Variants in GFRAL observed in about 807,000 individuals in gnomAD.
GFRAL encodes the protein GDNF family receptor alpha like.
In GFRAL, 36 loss-of-function variants were observed where a neutral mutation model predicts 45.4. The ratio of observed to expected loss-of-function variants is 0.79; its 90% CI spans 0.61 to 1.05. GFRAL has a LOEUF of 1.05. GFRAL is among the 50% of genes least tolerant of loss of function. The pLI is 0.00. For missense variants in GFRAL, 507 were observed against 467.5 expected (o/e 1.08, Z -0.78); for synonymous variants, 166 against 154.1 (o/e 1.08, Z -0.57).
chr6:55,350,329 T>G (rs1768099367), intron 4 of GFRAL, among the ~76,000 whole-genome samples, 184 bp downstream of exon 4: 1 of 152,086 alleles, frequency 6.6e-6, no homozygotes, highest in Non-Finnish European at 1.5e-5. Context: ...AGCAACTACT[T>G]TGCCCATCCA....
intron 6 of GFRAL, among the ~76,000 whole-genome samples, chr6:55,394,779 T>C (rs6938704): frequency 0.19 from 29,090 of 151,948 alleles, 4,582 homozygotes; most frequent in African/African-American, 0.44. Context: ...TCAAATCTGG[T>C]GTATTTTCAC....
rs1768911604 is a variant in GFRAL, at chr6:55,402,338, A to G, written c.*485A>G. On this transcript the variant is annotated 3_prime_UTR_variant, in exon 9 of 9. Transcript: ENST00000340465. Reference sequence around the variant, plus strand: ...TGGTCAACACCCTATTCCATCTGTCATCGAGAAAGAAAATGTTAAAATAGA... The same window carrying G: ...TGGTCAACACCCTATTCCATCTGTCGTCGAGAAAGAAAATGTTAAAATAGA... 1 of 152,202 alleles carries G rather than the reference A, an allele frequency of 6.6e-6. No individual in the cohort carries two copies. The highest frequency in any genetic ancestry group is 2.1e-4 in the South Asian group (1 of 4,826). The allele number at this position is 152,202 out of a possible 1,614,324, so 9.4% of individuals were successfully genotyped here.
intron 6 of GFRAL, among the ~76,000 whole-genome samples, chr6:55,362,243 C>T (rs751319137): frequency 2.0e-5 from 3 of 150,432 alleles, no homozygotes; most frequent in South Asian, 2.1e-4. Context: ...ACTTGGAGCC[C>T]GCTATGTTCT....
intron 3 of GFRAL, among the ~76,000 whole-genome samples, chr6:55,345,963 G>A (rs1036152395): frequency 3.9e-5 from 6 of 152,218 alleles, no homozygotes; most frequent in African/African-American, 9.6e-5. Flanking sequence ...CTGGCCATCA[G>A]AGAAATGCAA....
intron 6 of GFRAL, among the ~76,000 whole-genome samples, chr6:55,376,983 T>A (rs760686294): frequency 6.6e-6 from 1 of 151,976 alleles, no homozygotes; most frequent in African/African-American, 2.4e-5. Context: ...TTAATGCCTC[T>A]AATCTTTGCT....
intron 6 of GFRAL, among the ~76,000 whole-genome samples, chr6:55,381,540 G>C (rs1768607828): frequency 6.6e-6 from 1 of 151,812 alleles, no homozygotes; most frequent in Non-Finnish European, 1.5e-5. Context: ...CCATTAGCGA[G>C]CATTTTTATA....
intron 3 of GFRAL, among the ~76,000 whole-genome samples, chr6:55,337,829 AT>A (rs913264879): frequency 1.3e-5 from 2 of 151,798 alleles, no homozygotes; most frequent in Non-Finnish European, 2.9e-5. Context: ...TGTCCTTTCA[AT>A]TTTACTATTC....
intron 5 of GFRAL, among the ~76,000 whole-genome samples, chr6:55,354,731 A>G (rs1364764884): frequency 3.3e-5 from 5 of 152,046 alleles, no homozygotes; most frequent in African/African-American, 1.2e-4. Flanking sequence ...TTCAATGAGA[A>G]TATTAAGCCC....
chr6:55,383,211 G>T (rs183752030), intron 6 of GFRAL, among the ~76,000 whole-genome samples: 3 of 152,062 alleles, frequency 2.0e-5, no homozygotes, highest in Admixed American at 2.0e-4. Context: ...ACTAGGTGAG[G>T]CTGATGCTGT....
At chr6:55,342,165 TAC>T (rs1383934713) in intron 3 of GFRAL, among the ~76,000 whole-genome samples, 1 of 152,084 alleles carries the variant, frequency 6.6e-6, no homozygotes, top group African/African-American at 2.4e-5. Flanking sequence ...ATTCAGGAAA[TAC>T]AGAGAATGCC....
chr6:55,380,869 T>C (rs940347185), intron 6 of GFRAL, among the ~76,000 whole-genome samples: 1 of 152,014 alleles, frequency 6.6e-6, no homozygotes, highest in African/African-American at 2.4e-5. Flanking sequence ...ATCCTAATAC[T>C]GCTTCTCTAT....
intron 1 of GFRAL, among the ~76,000 whole-genome samples, chr6:55,328,565 A>G (rs1384816316): frequency 6.6e-6 from 1 of 151,836 alleles, no homozygotes; most frequent in Admixed American, 6.6e-5. Flanking sequence ...TGCTTTTTGT[A>G]ATTATTCCTA....
chr6:55,401,893 T>C lies in GFRAL; in HGVS notation c.*40T>C. ...TGGACCTATAACAATCACTCTTTTC[T>C]CTGCTTTTCTTCTTTCCTCTTTTCT... On this transcript the variant is annotated 3_prime_UTR_variant, in exon 9 of 9. Coordinates refer to ENST00000340465, the MANE Select transcript of GFRAL (RefSeq NM_207410.2). The C allele has an allele frequency of 9.2e-7, 1 of 1,084,550 alleles. No individual in the cohort carries two copies. The allele number at this position is 1,084,550 out of a possible 1,614,324, so 67.2% of individuals were successfully genotyped here.
chr6:55,360,268 T>A (rs1581911695), intron 6 of GFRAL, among the ~76,000 whole-genome samples: 1 of 151,890 alleles, frequency 6.6e-6, no homozygotes, highest in Non-Finnish European at 1.5e-5. Context: ...TACCCCTAGA[T>A]CCCTAGCTGT....
chr6:55,369,406 C>A (rs539168320), intron 6 of GFRAL, among the ~76,000 whole-genome samples: 4 of 152,304 alleles, frequency 2.6e-5, no homozygotes, highest in African/African-American at 9.6e-5. Context: ...CCATCTTCTG[C>A]GTCGCTCAGG....
intron 6 of GFRAL, among the ~76,000 whole-genome samples, chr6:55,396,364 A>G (rs1392232913): frequency 6.6e-5 from 10 of 152,186 alleles, no homozygotes; most frequent in Non-Finnish European, 7.4e-5. Flanking sequence ...AGGCAGTTAC[A>G]TATCTAAAAA....
At chr6:55,378,191 C>T (rs75999920) in intron 6 of GFRAL, among the ~76,000 whole-genome samples, 1,860 of 151,954 alleles carry the variant, frequency 0.012, 33 homozygotes, top group African/African-American at 0.042. Context: ...AAGCATGGTA[C>T]AATGTCCAAG....
At chr6:55,344,511 C>A (rs1004783612) in intron 3 of GFRAL, among the ~76,000 whole-genome samples, 2 of 152,168 alleles carry the variant, frequency 1.3e-5, no homozygotes, top group African/African-American at 4.8e-5. Flanking sequence ...TAAAAACTCT[C>A]AATAAATTAG....
At chr6:55,388,307 C>T (rs879527121) in intron 6 of GFRAL, among the ~76,000 whole-genome samples, 3 of 152,118 alleles carry the variant, frequency 2.0e-5, no homozygotes, top group African/African-American at 4.8e-5. Context: ...GGAGTGAAGG[C>T]GATCTGAAAC....
Sources: gnomAD v4.1 joint callset for allele counts (sites outside exome capture counted in the v4.1 genomes callset) on GRCh38, gnomAD v4.1.1 for gene constraint, MANE v1.5 for transcripts, NCBI Gene and HGNC (gene_info 2026-07-23, HGNC 2026-07-21) for gene names.